FUT8: variants seen among roughly 807,000 people sequenced by gnomAD.
FUT8 encodes the protein alpha-(1,6)-fucosyltransferase.
A neutral mutation model predicts 71.3 loss-of-function variants in FUT8; 29 were observed. The observed-to-expected ratio is 0.41, with a 90% CI of 0.30 to 0.55. FUT8 has a LOEUF of 0.55. FUT8 is among the 20% of genes least tolerant of loss of function. The probability of loss-of-function intolerance (pLI) is 0.34; values close to 1 mark genes in which losing one functional copy is unlikely to be tolerated. For synonymous variants in FUT8, 254 were observed against 239.3 expected, an observed-to-expected ratio of 1.06 and a Z score of -0.57; for missense variants, 544 against 702.1, an observed-to-expected ratio of 0.77 and a Z score of 2.55.
At chr14:65,734,876 A>G (rs1896144109) in intron 10 of FUT8, among the ~76,000 whole-genome samples, 1 of 152,130 alleles carries the variant, frequency 6.6e-6, no homozygotes, top group African/African-American at 2.4e-5. Context: ...AGACCAGAGA[A>G]TTCTTTGTTG....
chr14:65,634,795 T>G (rs1193353160), intron 6 of FUT8, among the ~76,000 whole-genome samples: 2 of 152,196 alleles, frequency 1.3e-5, no homozygotes, highest in Non-Finnish European at 2.9e-5. Flanking sequence ...TTTTGCTTAG[T>G]CTTGCTTTGA....
intron 7 of FUT8, among the ~76,000 whole-genome samples, chr14:65,692,410 AC>A (rs1453206177): frequency 1.2e-5 from 1 of 82,298 alleles, no homozygotes; most frequent in African/African-American, 4.7e-5. Context: ...CGGGGGGCTG[AC>A]CCCCCCACCT....
chr14:65,661,397 A>G (rs1891957163), intron 6 of FUT8, among the ~76,000 whole-genome samples: 1 of 152,194 alleles, frequency 6.6e-6, no homozygotes, highest in Non-Finnish European at 1.5e-5. Context: ...GTCTCTGTAG[A>G]TGTAATTCAG....
chr14:65,614,806 G>T (rs907178835), intron 3 of FUT8, among the ~76,000 whole-genome samples: 3 of 152,042 alleles, frequency 2.0e-5, no homozygotes, highest in Non-Finnish European at 4.4e-5. Context: ...AGTTTCTTTT[G>T]CCATAAAGAG....
the FUT8 span, among the ~76,000 whole-genome samples, chr14:65,379,204 A>G: frequency 6.6e-6 from 1 of 152,178 alleles, no homozygotes; most frequent in Non-Finnish European, 1.5e-5. Context: ...AGAAAGCAGC[A>G]TCATATAAGC....
chr14:65,458,282 G>C (rs2065924066), intron 2 of FUT8: 1 of 151,976 alleles, frequency 6.6e-6, no homozygotes, highest in East Asian at 1.9e-4. Context: ...TATACAGGTA[G>C]ATTAATAACG....
At chr14:65,469,050 T>C (rs1381684541) in intron 2 of FUT8, among the ~76,000 whole-genome samples, 1 of 152,122 alleles carries the variant, frequency 6.6e-6, no homozygotes, top group Non-Finnish European at 1.5e-5. Flanking sequence ...GGTGGTGGCA[T>C]GCACCTGTAG....
intron 2 of FUT8, among the ~76,000 whole-genome samples, chr14:65,480,461 A>T (rs779974732): frequency 1.3e-5 from 2 of 151,730 alleles, no homozygotes; most frequent in Non-Finnish European, 2.9e-5. Context: ...AACTACAGGT[A>T]CACTCCATCA....
chr14:65,726,741 G>A lies in FUT8; in HGVS notation c.1259+2418G>A, dbSNP rs112446791. 1.1e-3 allele frequency among the ~76,000 whole-genome samples: 160 copies of A among 152,070 alleles called. 1 individual carries two copies. The highest frequency in any genetic ancestry group is 3.6e-3 in the African/African-American group (149 of 41,476). ...GTCATACTTTCCCAACAGTCCCCCCGGAGTCTTAACTCATTTAAGCATTAA... is the reference window on the plus strand; with the variant it reads ...GTCATACTTTCCCAACAGTCCCCCCAGAGTCTTAACTCATTTAAGCATTAA... On this transcript the variant is annotated intron_variant, in intron 9 of 10. Coordinates refer to ENST00000673929, the MANE Select transcript of FUT8 (RefSeq NM_001371533.1).
At chr14:65,558,469 A>AGCATTCTC (rs1885721132) in intron 2 of FUT8, among the ~76,000 whole-genome samples, 1 of 152,196 alleles carries the variant, frequency 6.6e-6, no homozygotes. Context: ...TCCTTATAAT[A>AGCATTCTC]GCATTCTCTC....
intron 2 of FUT8, among the ~76,000 whole-genome samples, chr14:65,510,657 G>A (rs1468750963): frequency 6.6e-6 from 1 of 152,064 alleles, no homozygotes; most frequent in Non-Finnish European, 1.5e-5. Flanking sequence ...AATCTTGGTA[G>A]GTTGTATGTG....
intron 3 of FUT8, among the ~76,000 whole-genome samples, chr14:65,611,211 GCGCGCGCGCGCGCACA>G (rs1888909634): frequency 8.5e-5 from 1 of 11,696 alleles, no homozygotes; most frequent in African/African-American, 1.1e-4. Flanking sequence ...GCGCGCGCGC[GCGCGCGCGCGCGCACA>G]CACACACACA....
the FUT8 span, among the ~76,000 whole-genome samples, chr14:65,376,211 C>T: frequency 6.6e-6 from 1 of 152,106 alleles, no homozygotes; most frequent in Non-Finnish European, 1.5e-5. Flanking sequence ...GTATGGTTTT[C>T]CATGATTATT....
intron 2 of FUT8, among the ~76,000 whole-genome samples, chr14:65,486,316 A>AT (rs909631044): frequency 1.3e-5 from 2 of 152,216 alleles, no homozygotes; most frequent in Admixed American, 1.3e-4. Context: ...GTGGAGTCTG[A>AT]TTGAACTGAT....
chr14:65,432,250 A>T (rs1335743658), intron 1 of FUT8, among the ~76,000 whole-genome samples: 1 of 152,018 alleles, frequency 6.6e-6, no homozygotes, highest in Admixed American at 6.6e-5. Flanking sequence ...CTTTAGTGAG[A>T]ATCTCTTCCA....
At chr14:65,505,614 C>T (rs1338140663) in intron 2 of FUT8, among the ~76,000 whole-genome samples, 1 of 151,978 alleles carries the variant, frequency 6.6e-6, no homozygotes, top group Non-Finnish European at 1.5e-5. Context: ...GCCCGGCCTA[C>T]ATCTCAGTTT....
intron 6 of FUT8, among the ~76,000 whole-genome samples, chr14:65,657,644 A>T (rs1891749072): frequency 6.6e-6 from 1 of 152,138 alleles, no homozygotes; most frequent in Non-Finnish European, 1.5e-5. Context: ...ACTCATGGAG[A>T]TAGAGACTAG....
intron 2 of FUT8, among the ~76,000 whole-genome samples, chr14:65,498,250 TC>T (rs2066591029): frequency 1.3e-5 from 2 of 152,186 alleles, no homozygotes; most frequent in African/African-American, 4.8e-5. Flanking sequence ...TTTAGATTCT[TC>T]AAGTAAAATC....
At chr14:65,494,862 G>A (rs747306926) in intron 2 of FUT8, among the ~76,000 whole-genome samples, 23 of 152,066 alleles carry the variant, frequency 1.5e-4, no homozygotes, top group Admixed American at 5.2e-4. Context: ...AAGGAAGTGG[G>A]GAGGAAGGTT....
Sources: gnomAD v4.1 joint callset for allele counts (sites outside exome capture counted in the v4.1 genomes callset) on GRCh38, gnomAD v4.1.1 for gene constraint, MANE v1.5 for transcripts, NCBI Gene and HGNC (gene_info 2026-07-23, HGNC 2026-07-21) for gene names.